Variants in TOP2B observed in about 807,000 individuals in gnomAD.
The protein encoded by TOP2B is DNA topoisomerase 2-beta.
TOP2B carries 51 observed loss-of-function variants against 193.5 expected under a neutral mutation model. The observed-to-expected ratio is 0.26, with a 90% confidence interval of 0.21 to 0.33. The LOEUF is 0.33. TOP2B is among the 10% of genes least tolerant of loss of function. The pLI is 1.00. For missense variants in TOP2B, 1,378 were observed against 1,909.3 expected, an observed-to-expected ratio of 0.72 and a Z score of 5.19; for synonymous variants, 634 against 635.7, an observed-to-expected ratio of 1.00 and a Z score of 0.04.
rs536733504 is a variant in TOP2B at position 25,632,972 on chromosome 3, TTTTG to T, written c.1027-182_1027-179del. On this transcript the variant is annotated intron_variant, in intron 8 of 35. Transcript: ENST00000264331. ...GCCAATAAACCAACCGCTGTGTTTT[TTTTG>T]TTTGTTTGTTTGTTTGCTTTCCTCA... 2.5e-3 allele frequency among the ~76,000 whole-genome samples: 384 copies of T among 152,240 alleles called. 1 individual carries two copies. The highest frequency in any genetic ancestry group is 6.8e-3 in the Middle Eastern group (2 of 294).
At position 25,648,994 on chromosome 3, in the gene TOP2B, C is replaced by A. The variant is rs946669375; in HGVS notation, c.70-3524G>T. Among the ~76,000 whole-genome samples, 2 of 152,086 alleles carry A rather than the reference C, an allele frequency of 1.3e-5. 1 individual carries two copies. Among genetic ancestry groups the A allele is most frequent in the East Asian group, 3.9e-4 (2 of 5,192 alleles). On this transcript the variant is annotated intron_variant, in intron 1 of 35. Transcript: ENST00000264331. ...GAGTACAGATGAACAAACAAAAACT[C>A]GGTGTAACAATGCATAAACAAAAGG...
rs1340109717 is a variant in TOP2B, at chr3:25,664,261, C to T, written c.37G>A (p.Val13Met). 8.5e-6 allele frequency: 13 copies of T among 1,536,854 alleles called. No homozygotes were observed. The highest frequency in any genetic ancestry group is 1.0e-5 in the Non-Finnish European group (12 of 1,145,754). ...GTCAGTGCCCCGTTGCCGCCGCCCA[C>T]GCCGGCTCCCGCGCCGCAGCCACCC... ...KSGGCGAGAG[V>M]GGGNGALTWV... The change falls in exon 1 of 36, where the codon GTG becomes ATG. Residue 13 changes from valine (V) to methionine (M), a missense_variant. By Grantham distance (21) the Val-to-Met change is conservative (BLOSUM62 1). Coordinates refer to ENST00000264331, the MANE Select transcript of TOP2B (RefSeq NM_001330700.2).
At position 25,627,262 on chromosome 3, in the gene TOP2B, T is replaced by C; in HGVS notation, c.1941A>G (p.Glu647=). 1 of 1,609,306 alleles carries C rather than the reference T, an allele frequency of 6.2e-7. No homozygotes were observed. The highest frequency in any genetic ancestry group is 1.1e-5 in the South Asian group (1 of 90,430). The change falls in exon 16 of 36, where the codon GAA becomes GAG. Residue 647 remains glutamate (E), a synonymous_variant. Transcript: ENST00000264331. ...LGTSTAKEAK[E]YFADMERHRI... ...GATGCCTTTCCATATCAGCAAAATA[T>C]TCCTTTGCTTCTTTAGCTGTACTAG...
intron 8 of TOP2B, 63 bp from the exon 9 acceptor site, chr3:25,632,857 T>A: frequency 7.6e-7 from 1 of 1,311,646 alleles, no homozygotes; most frequent in Non-Finnish European, 1.1e-6. Context: ...AAATACTTTA[T>A]CTGTATTATA....
chr3:25,629,292 T>A, intron 13 of TOP2B, 147 bp from the exon 14 acceptor site: 1 of 526,620 alleles, frequency 1.9e-6, no homozygotes, highest in Non-Finnish European at 3.3e-6. Context: ...ATGATCATAC[T>A]AAATTTTTTA....
At chr3:25,601,604 C>A (rs550106628) in intron 33 of TOP2B, among the ~76,000 whole-genome samples, 1 of 151,934 alleles carries the variant, frequency 6.6e-6, no homozygotes, top group East Asian at 1.9e-4. Flanking sequence ...AAGAGCAAAA[C>A]TCTATCTTCA....
chr3:25,647,778 C>T (rs751652734), intron 1 of TOP2B, among the ~76,000 whole-genome samples: 14 of 152,128 alleles, frequency 9.2e-5, no homozygotes, highest in Non-Finnish European at 1.9e-4. Flanking sequence ...CACCAAATTC[C>T]TATCAAGTTC....
intron 1 of TOP2B, among the ~76,000 whole-genome samples, chr3:25,656,121 T>A (rs1703737889): frequency 6.6e-6 from 1 of 152,164 alleles, no homozygotes; most frequent in South Asian, 2.1e-4. Context: ...TACTGTAAAA[T>A]AAGTGTGATG....
Position 25,645,373 on chromosome 3 carries a change from T to C in TOP2B, c.167A>G (p.Gln56Arg), listed in dbSNP as rs1297511160. The change falls in exon 2 of 36, where the codon CAG (glutamine) becomes CGG (arginine). Residue 56 changes from glutamine (Q) to arginine (R), a missense_variant. Transcript: ENST00000264331. ...AATGTGTTCAAGTTGTGTCTTCTTCTGATACACTCTCTCAACAGACAACTT... is the reference window on the plus strand; with the variant it reads ...AATGTGTTCAAGTTGTGTCTTCTTCCGATACACTCTCTCAACAGACAACTT... ...SKKLSVERVYQKKTQLEHILL... is the reference protein window; with the variant it reads ...SKKLSVERVYRKKTQLEHILL... 6.2e-7 allele frequency: 1 copy of C among 1,613,640 alleles called. No individual in the cohort carries two copies. Among genetic ancestry groups the C allele is most frequent in the Non-Finnish European group, 8.5e-7 (1 of 1,179,780 alleles).
At chr3:25,627,930 A>G (rs1452102812) in intron 15 of TOP2B, among the ~76,000 whole-genome samples, 2 of 151,842 alleles carry the variant, frequency 1.3e-5, no homozygotes, top group African/African-American at 4.8e-5. Flanking sequence ...GCATAGTGGC[A>G]CATGCCTGTA....
intron 6 of TOP2B, among the ~76,000 whole-genome samples, chr3:25,636,853 GAAT>G (rs1385026718): frequency 1.3e-5 from 2 of 151,828 alleles, no homozygotes; most frequent in East Asian, 3.8e-4. Context: ...AGACCTTCAA[GAAT>G]AAAATAAAAT....
In TOP2B at chr3:25,607,209, T is replaced by C. The variant is rs1441252536; in HGVS notation, c.4260A>G (p.Glu1420=). The C allele has an allele frequency of 6.2e-7, 1 of 1,612,400 alleles. No individual in the cohort carries two copies. Among genetic ancestry groups the C allele is most frequent in the African/African-American group, 1.3e-5 (1 of 74,888 alleles). ...TTGATTTGCCTGGTGAAAATGTATATTCATCTTTATCTAACCCATCTGAAG... is the reference window on the plus strand; with the variant it reads ...TTGATTTGCCTGGTGAAAATGTATACTCATCTTTATCTAACCCATCTGAAG... ...FVPSDGLDKD[E]YTFSPGKSKA... Residue 1420 remains glutamate (E), a synonymous_variant, in exon 31 of 36, where the codon GAA becomes GAG. Coordinates refer to ENST00000264331, the MANE Select transcript of TOP2B (RefSeq NM_001330700.2).
At chr3:25,646,569 T>C (rs2125398532) in intron 1 of TOP2B, among the ~76,000 whole-genome samples, 1 of 152,340 alleles carries the variant, frequency 6.6e-6, no homozygotes, top group Admixed American at 6.5e-5. Flanking sequence ...TAAAAAGATA[T>C]TGTGATGGCC....
intron 25 of TOP2B, among the ~76,000 whole-genome samples, chr3:25,616,612 A>T (rs1312220270): frequency 1.3e-5 from 2 of 151,970 alleles, no homozygotes; most frequent in African/African-American, 4.8e-5. Context: ...TTGATAGATG[A>T]TTAATAAGTA....
rs937772394 is a variant in TOP2B at position 25,658,591 on chromosome 3, TAAAC to T, written c.69+5634_69+5637del. Among the ~76,000 whole-genome samples, 7 of 152,046 alleles carry T rather than the reference TAAAC, an allele frequency of 4.6e-5. No homozygotes were observed. The East Asian group carries it at 5.8e-4, about 13-fold the overall frequency. The stretch of plus-strand genomic sequence containing the variant: ...CTGAATTTCAAGTCAGCTGCCAAAT[TAAAC>T]AAAGCATTTAGGGAAAATTTAAAAT... On this transcript the variant is annotated intron_variant, in intron 1 of 35. Coordinates refer to ENST00000264331, the MANE Select transcript of TOP2B (RefSeq NM_001330700.2).
At chr3:25,608,499 C>T (rs142468076) in intron 30 of TOP2B, among the ~76,000 whole-genome samples, 361 of 152,224 alleles carry the variant, frequency 2.4e-3, no homozygotes, top group Non-Finnish European at 4.0e-3. Flanking sequence ...TTGGTGATTG[C>T]AGAACCAAAG....
intron 21 of TOP2B, among the ~76,000 whole-genome samples, chr3:25,623,020 C>T (rs1416912995): frequency 6.6e-6 from 1 of 152,158 alleles, no homozygotes; most frequent in Non-Finnish European, 1.5e-5. Flanking sequence ...TCAGGTGATC[C>T]ATATGCCTTG....
chr3:25,664,613 C>T lies in TOP2B; in HGVS notation c.-316G>A. On this transcript the variant is annotated 5_prime_UTR_variant, in exon 1 of 36. Coordinates refer to ENST00000264331, the MANE Select transcript of TOP2B (RefSeq NM_001330700.2). ...TGCCTTCTCGCCCGCCCGCGGGCGC[C>T]GCTGCAGGCCGGGCTGAAGCCCGGG... 2 of 995,998 alleles carry T rather than the reference C, an allele frequency of 2.0e-6. No individual in the cohort carries two copies. The highest frequency in any genetic ancestry group is 1.7e-5 in the African/African-American group (1 of 57,512). 61.7% of individuals were successfully genotyped at this position (995,998 alleles called of 1,614,324 possible).
intron 10 of TOP2B, 148 bp from the exon 11 acceptor site, chr3:25,631,087 T>C (rs1702942131): frequency 1.1e-5 from 6 of 541,468 alleles, no homozygotes; most frequent in Non-Finnish European, 9.0e-6. Flanking sequence ...TCATGATACA[T>C]GCTAATCAGC....
Sources: allele counts gnomAD v4.1 joint callset (sites outside exome capture counted in the v4.1 genomes callset), GRCh38; gene constraint gnomAD v4.1.1; transcripts MANE v1.5; gene names NCBI Gene and HGNC (gene_info 2026-07-23, HGNC 2026-07-21).